The following ZBTB43 variants were observed in gnomAD, a reference collection of about 807,000 sequenced individuals.
The protein encoded by ZBTB43 is zinc finger and BTB domain-containing protein 43.
Under a neutral mutation model 31.1 loss-of-function variants are expected in ZBTB43, and 6 were observed. The ratio of observed to expected loss-of-function variants is 0.19; its 90% CI spans 0.11 to 0.38. ZBTB43 has a LOEUF of 0.38. Among genes scored for constraint, ZBTB43 ranks in the 10% least tolerant of loss-of-function variants. The pLI is 1.00. For missense variants in ZBTB43, 379 were observed against 602.1 expected, an observed-to-expected ratio of 0.63 and a Z score of 3.88; for synonymous variants, 212 against 221.7, an observed-to-expected ratio of 0.96 and a Z score of 0.39.
rs562190416 is a variant in ZBTB43 at position 126,837,413 on chromosome 9, G to C, written c.*3500G>C. 200 of 167,278 alleles carry C rather than the reference G, an allele frequency of 1.2e-3. No homozygotes were observed. The highest frequency in any genetic ancestry group is 4.7e-3 in the African/African-American group (197 of 41,582). The allele number at this position is 167,278 out of a possible 1,614,324, so 10.4% of individuals were successfully genotyped here. On this transcript the variant is annotated 3_prime_UTR_variant, in exon 3 of 3. Coordinates refer to ENST00000373464, the MANE Select transcript of ZBTB43 (RefSeq NM_014007.4). ...GGCTGGCTTCTAACCACCGGGGAAA[G>C]CTGCTTAGCCTCCAGGGCTCCCTCC...
chr9:126,828,339 G>A (rs868807591), intron 2 of ZBTB43, among the ~76,000 whole-genome samples: 10 of 151,600 alleles, frequency 6.6e-5, no homozygotes, highest in Non-Finnish European at 1.0e-4. Flanking sequence ...ACCCACCACC[G>A]CGCCTGGCTA....
chr9:126,805,758 C>T (rs981895525), intron 1 of ZBTB43, among the ~76,000 whole-genome samples: 1 of 152,240 alleles, frequency 6.6e-6, no homozygotes, highest in African/African-American at 2.4e-5. Context: ...TGCCACTCAG[C>T]CCTTACTCTA....
At chr9:126,813,351 C>G (rs2032292428) in intron 2 of ZBTB43, among the ~76,000 whole-genome samples, 1 of 152,304 alleles carries the variant, frequency 6.6e-6, no homozygotes, top group African/African-American at 2.4e-5. Context: ...TTCAGACTTT[C>G]TCCTGCTTTA....
intron 2 of ZBTB43, among the ~76,000 whole-genome samples, chr9:126,809,232 G>A (rs765032057): frequency 1.3e-5 from 2 of 152,140 alleles, no homozygotes; most frequent in Non-Finnish European, 2.9e-5. Flanking sequence ...CCACTGGCAG[G>A]TCTTTTAATT....
intron 2 of ZBTB43, among the ~76,000 whole-genome samples, chr9:126,809,866 C>T (rs936931891): frequency 3.4e-5 from 5 of 148,482 alleles, no homozygotes; most frequent in Non-Finnish European, 4.4e-5. Context: ...GACAGAGTCT[C>T]GCTTTGTCGC....
At chr9:126,831,198 T>C (rs2032755081) in intron 2 of ZBTB43, among the ~76,000 whole-genome samples, 1 of 152,140 alleles carries the variant, frequency 6.6e-6, no homozygotes, top group Admixed American at 6.5e-5. Context: ...TGTACTCTAG[T>C]CTAATGGTCT....
At position 126,832,344 on chromosome 9, in the gene ZBTB43, C is replaced by G. The variant is rs929278983; in HGVS notation, c.-23-143C>G. ...CAAACACGCACCTGCAAGCTTTGCT[C>G]TAGGGATTGAATCCCTTACCCAGTG... is the stretch of plus-strand genomic sequence containing the variant. On this transcript the variant is annotated intron_variant, in intron 2 of 2. Transcript: ENST00000373464. 1.2e-5 allele frequency: 9 copies of G among 738,912 alleles called. No homozygotes were observed. The South Asian group carries it at 1.4e-4, about 11-fold the overall frequency. 45.8% of individuals were successfully genotyped at this position (738,912 alleles called of 1,614,324 possible).
rs536709509 is a variant in ZBTB43 at position 126,837,927 on chromosome 9, G to A, written c.*4014G>A. On this transcript the variant is annotated 3_prime_UTR_variant, in exon 3 of 3. Transcript: ENST00000373464. ...CCTTTTGTGAGGTTCCCAATGTTTC[G>A]TCCAGAAAAGTACTTTATTTATGCA... 5 of 164,138 alleles carry A rather than the reference G, an allele frequency of 3.0e-5. No homozygotes were observed. The highest frequency in any genetic ancestry group is 5.0e-5 in the African/African-American group (2 of 40,374). The allele number at this position is 164,138 out of a possible 1,614,324, so 10.2% of individuals were successfully genotyped here. A position where few individuals can be genotyped will look rare whatever the true frequency, so the allele number is the denominator to read the frequency against.
chr9:126,805,779 T>A (rs1432955416), intron 1 of ZBTB43, among the ~76,000 whole-genome samples: 7 of 152,260 alleles, frequency 4.6e-5, no homozygotes. Context: ...ATTCAGGGCC[T>A]GTCAGTCTGG....
chr9:126,811,843 C>T (rs1422323924), intron 2 of ZBTB43, among the ~76,000 whole-genome samples: 1 of 152,220 alleles, frequency 6.6e-6, no homozygotes, highest in Non-Finnish European at 1.5e-5. Flanking sequence ...TCAGGCTGGT[C>T]TCGAACTCCC....
intron 2 of ZBTB43, among the ~76,000 whole-genome samples, chr9:126,830,589 A>G (rs1278938564): frequency 6.6e-6 from 1 of 152,228 alleles, no homozygotes; most frequent in Non-Finnish European, 1.5e-5. Flanking sequence ...TTGAGACTGC[A>G]GTGAGCTGTG....
At chr9:126,822,712 C>G (rs2032542637) in intron 2 of ZBTB43, among the ~76,000 whole-genome samples, 1 of 152,132 alleles carries the variant, frequency 6.6e-6, no homozygotes. Context: ...TGCATTTCAT[C>G]CTGGGCAGCA....
At chr9:126,806,009 C>T (rs2032120007) in intron 1 of ZBTB43, among the ~76,000 whole-genome samples, 1 of 152,182 alleles carries the variant, frequency 6.6e-6, no homozygotes. Context: ...TGTCAGAGTG[C>T]AGGAGAGCCT....
intron 2 of ZBTB43, 42 bp downstream of exon 2, chr9:126,808,957 T>G (rs1464250333): frequency 2.0e-5 from 3 of 152,214 alleles, no homozygotes; most frequent in African/African-American, 7.2e-5. Context: ...TTAAAGTTAC[T>G]TACTGTAATC....
chr9:126,830,854 A>AC (rs1403651218), intron 2 of ZBTB43, among the ~76,000 whole-genome samples: 1 of 151,652 alleles, frequency 6.6e-6, no homozygotes, highest in Admixed American at 6.6e-5. Context: ...TGCTTGACTT[A>AC]CCCCACAGAA....
intron 2 of ZBTB43, among the ~76,000 whole-genome samples, chr9:126,829,025 C>T (rs1003050335): frequency 6.6e-6 from 1 of 152,092 alleles, no homozygotes; most frequent in Non-Finnish European, 1.5e-5. Context: ...GATAGGCAGA[C>T]TTTATTTTTC....
At chr9:126,820,939 C>A (rs2032494342) in intron 2 of ZBTB43, among the ~76,000 whole-genome samples, 1 of 141,664 alleles carries the variant, frequency 7.1e-6, no homozygotes, top group African/African-American at 2.6e-5. Context: ...TGCACTCCAG[C>A]CTGGGTGACA....
At chr9:126,818,282 C>G (rs972011270) in intron 2 of ZBTB43, among the ~76,000 whole-genome samples, 1 of 149,240 alleles carries the variant, frequency 6.7e-6, no homozygotes, top group Non-Finnish European at 1.5e-5. Flanking sequence ...ACCACTATTC[C>G]TGGCTAATTA....
intron 2 of ZBTB43, among the ~76,000 whole-genome samples, chr9:126,828,091 A>G (rs1448006546): frequency 6.6e-6 from 1 of 152,222 alleles, no homozygotes; most frequent in Non-Finnish European, 1.5e-5. Flanking sequence ...ATAGTGTTAG[A>G]AAAACAGGCT....
Sources: allele counts gnomAD v4.1 joint callset (sites outside exome capture counted in the v4.1 genomes callset), GRCh38; gene constraint gnomAD v4.1.1; transcripts MANE v1.5; gene names NCBI Gene and HGNC (gene_info 2026-07-23, HGNC 2026-07-21).